Variants in CEP131 observed in about 807,000 individuals in gnomAD.
CEP131 encodes centrosomal protein of 131 kDa.
In CEP131, 99 loss-of-function variants were observed where a neutral mutation model predicts 136.8. The ratio of observed to expected loss-of-function variants is 0.72; its 90% CI spans 0.62 to 0.86. CEP131 has a LOEUF of 0.86. CEP131 is among the 40% of genes least tolerant of loss of function. The pLI is 0.00. For synonymous variants in CEP131, 646 were observed against 612.7 expected (o/e 1.05, Z -0.80); for missense variants, 1,459 against 1,463.0 (o/e 1.00, Z 0.04).
Position 81,220,018 on chromosome 17 carries a change from G to A in CEP131, c.39C>T (p.Arg13=), listed in dbSNP as rs750858545. The change falls in exon 2 of 26, where the codon CGC becomes CGT. Residue 13 remains arginine (R), a synonymous_variant. Coordinates refer to ENST00000450824, the MANE Select transcript of CEP131 (RefSeq NM_014984.4). ...GACTCAGGTCCACACCTGCTGGGCT[G>A]CGCTCCGGGACGCTGCCGATGGCCC... ...GTRAIGSVPE[R]SPAGVDLSLT... 3.7e-6 allele frequency: 6 copies of A among 1,606,964 alleles called. No homozygotes were observed. In the South Asian group the frequency reaches 5.5e-5, roughly 15 times the overall value.
chr17:81,207,277 AC>A, intron 3 of CEP131, 38 bp from the exon 4 acceptor site: 1 of 1,596,172 alleles, frequency 6.3e-7, no homozygotes, highest in Non-Finnish European at 8.6e-7. Context: ...GGAAAGAGTC[AC>A]CAGCCGGGAA....
intron 2 of CEP131, among the ~76,000 whole-genome samples, chr17:81,212,054 C>T (rs1180390541): frequency 6.6e-6 from 1 of 151,906 alleles, no homozygotes; most frequent in African/African-American, 2.4e-5. Flanking sequence ...GTGGCTCATG[C>T]CTGTAATCCC....
intron 5 of CEP131, among the ~76,000 whole-genome samples, chr17:81,206,446 A>G (rs1320002811): frequency 6.6e-6 from 1 of 152,082 alleles, no homozygotes; most frequent in Non-Finnish European, 1.5e-5. Context: ...AGGACCCCCT[A>G]CAAGCCTCCT....
At chr17:81,201,301 G>T (rs1365024006) in intron 7 of CEP131, among the ~76,000 whole-genome samples, 1 of 152,206 alleles carries the variant, frequency 6.6e-6, no homozygotes, top group African/African-American at 2.4e-5. Flanking sequence ...TGGGCGGTAG[G>T]GTAGGTGACG....
chr17:81,194,864 G>A lies in CEP131; in HGVS notation c.2119+6C>T, dbSNP rs768787890. ...CCTGGCCGGCTCATGGGAGGGGAGG[G>A]CCCACCTCGGACAGTGACCTCCTTG... On this transcript the variant is annotated splice_donor_region_variant and intron_variant, in intron 17 of 25. Transcript: ENST00000450824. The A allele has an allele frequency of 3.7e-6, 6 of 1,611,782 alleles. No individual in the cohort carries two copies. The Admixed American group carries it at 5.0e-5, about 13-fold the overall frequency.
intron 2 of CEP131, among the ~76,000 whole-genome samples, chr17:81,211,945 A>G: frequency 6.6e-6 from 1 of 151,612 alleles, no homozygotes; most frequent in East Asian, 1.9e-4. Flanking sequence ...AAAAAAAAAA[A>G]AAAAGAAAAA....
chr17:81,200,158 A>G, intron 8 of CEP131, 171 bp downstream of exon 8: 1 of 632,860 alleles, frequency 1.6e-6, no homozygotes, highest in Admixed American at 3.0e-5. Context: ...GCCAGTGAGG[A>G]CCACCCTGAC....
intron 18 of CEP131, 66 bp downstream of exon 18, chr17:81,193,860 G>C: frequency 6.7e-7 from 1 of 1,493,080 alleles, no homozygotes; most frequent in Non-Finnish European, 8.9e-7. Context: ...CTCCACTCCA[G>C]CCTTCGAGGA....
At position 81,192,773 on chromosome 17, in the gene CEP131, C is replaced by A; in HGVS notation, c.2392G>T (p.Ala798Ser). 1 of 1,595,406 alleles carries A rather than the reference C, an allele frequency of 6.3e-7. No homozygotes were observed. ...QQRQRLYSEVAEERERLGQQA... is the reference protein window; with the variant it reads ...QQRQRLYSEVSEERERLGQQA... ...TGGCCCAGCCGCTCCCTCTCCTCAG[C>A]CACCTCACTGTACAGCCGCTGCCGT... Residue 798 changes from alanine to serine, a missense_variant, in exon 19 of 26, where the codon GCT becomes TCT. By Grantham distance (99) the Ala-to-Ser change is moderately conservative. This residue lies in a region of CEP131 where 1,026 missense variants were observed against 964.2 expected (regional missense o/e 1.06). Transcript: ENST00000450824.
At chr17:81,214,860 C>T (rs1001758640) in intron 2 of CEP131, among the ~76,000 whole-genome samples, 6 of 151,756 alleles carry the variant, frequency 4.0e-5, no homozygotes, top group Admixed American at 6.6e-5. Flanking sequence ...GCAAGTTCCG[C>T]CTCCTGGGTT....
intron 19 of CEP131, 51 bp downstream of exon 19, chr17:81,192,685 G>GGGGGGGGCCCCCCC: frequency 6.3e-6 from 3 of 478,420 alleles, no homozygotes; most frequent in Non-Finnish European, 1.2e-5. Flanking sequence ...GGGGGGAGGG[G>GGGGGGGGCCCCCCC]TCAGCCAGCG....
chr17:81,193,959 A>G lies in CEP131; in HGVS notation c.2288T>C (p.Leu763Pro). The change falls in exon 18 of 26, where the codon CTG (leucine) becomes CCG (proline). Residue 763 changes from leucine to proline, a missense_variant. Physicochemically the swap from Leu to Pro is moderately conservative, Grantham distance 98 (BLOSUM62 -3). Around this residue, in one of 3 missense-constraint regions of CEP131, gnomAD observed 1,026 missense variants for 964.2 expected, o/e 1.06. Coordinates refer to ENST00000450824, the MANE Select transcript of CEP131 (RefSeq NM_014984.4). ...AGCACGTTCGCGCTCCTGCTGGCCC[A>G]GCGCCTCCTTCTCCCGCTCCAGCTG... Reference protein sequence around the residue: ...REQLEREKEALGQQERERARQ... With the variant: ...REQLEREKEAPGQQERERARQ... 6.5e-7 allele frequency: 1 copy of G among 1,541,576 alleles called. No individual in the cohort carries two copies. The highest frequency in any genetic ancestry group is 8.7e-7 in the Non-Finnish European group (1 of 1,143,170).
rs770851022 is a variant in CEP131, at chr17:81,197,771, T to G, written c.1588A>C (p.Met530Leu). 3 of 1,613,208 alleles carry G rather than the reference T, an allele frequency of 1.9e-6. No individual in the cohort carries two copies. The highest frequency in any genetic ancestry group is 3.3e-5 in the Admixed American group (2 of 60,006). ...TTCTCCATCTCGTCCAAGAAGCTCA[T>G]GATGCTTTGTAGCTTGGCCTCCGAT... ...LLSEAKLQSI[M>L]SFLDEMEKSG... Residue 530 changes from methionine to leucine, a missense_variant, in exon 13 of 26, where the codon ATG becomes CTG. By Grantham distance (15) the Met-to-Leu change is conservative (BLOSUM62 2). Around this residue, in one of 3 missense-constraint regions of CEP131, gnomAD observed 1,026 missense variants for 964.2 expected, o/e 1.06. Transcript: ENST00000450824.
intron 13 of CEP131, 200 bp downstream of exon 13, chr17:81,197,512 G>GT: frequency 3.8e-6 from 3 of 792,348 alleles, no homozygotes; most frequent in Non-Finnish European, 3.8e-6. Flanking sequence ...TGAGAGACCC[G>GT]TGGGGGGTGC....
chr17:81,192,673 C>CG (rs929723589), intron 19 of CEP131, 63 bp downstream of exon 19: 57 of 204,508 alleles, frequency 2.8e-4, no homozygotes, highest in Non-Finnish European at 3.9e-4. Flanking sequence ...GGTGAGGGGG[C>CG]GGGGGGGAGG....
chr17:81,200,292 CG>C, intron 8 of CEP131, 36 bp downstream of exon 8: 1 of 1,527,192 alleles, frequency 6.5e-7, no homozygotes, highest in Admixed American at 1.8e-5. Context: ...CCAGACCCCC[CG>C]GGGGAGCATG....
In CEP131 at chr17:81,198,266, T is replaced by C. The variant is rs748681017; in HGVS notation, c.1319A>G (p.Asn440Ser). 5 of 1,604,208 alleles carry C rather than the reference T, an allele frequency of 3.1e-6. No individual in the cohort carries two copies. The East Asian group carries it at 9.0e-5, about 29-fold the overall frequency. The change falls in exon 12 of 26, where the codon AAC becomes AGC. Residue 440 changes from asparagine to serine, a missense_variant. Physicochemically the swap from Asn to Ser is conservative, Grantham distance 46. Around this residue, in one of 3 missense-constraint regions of CEP131, gnomAD observed 1,026 missense variants for 964.2 expected, o/e 1.06. Transcript: ENST00000450824. ...DVLAQDAAGD[N>S]LEMMAPSRGS... Reference sequence around the variant, plus strand: ...CCTGCTCGGGGCCATCATCTCCAGGTTGTCCCCAGCTGCATCCTGGGCAAG... The same window carrying C: ...CCTGCTCGGGGCCATCATCTCCAGGCTGTCCCCAGCTGCATCCTGGGCAAG...
chr17:81,194,831 A>AGG, intron 17 of CEP131, 39 bp downstream of exon 17: 6 of 1,541,754 alleles, frequency 3.9e-6, no homozygotes, highest in Non-Finnish European at 4.5e-6. Context: ...CGCAGCACCC[A>AGG]CCCCACACCT....
chr17:81,196,644 G>A, intron 15 of CEP131, 57 bp downstream of exon 15: 3 of 1,557,744 alleles, frequency 1.9e-6, no homozygotes, highest in Non-Finnish European at 2.6e-6. Flanking sequence ...CCTGGCTCTG[G>A]AAGTCTCCAT....
Sources: gnomAD v4.1 joint callset for allele counts (sites outside exome capture counted in the v4.1 genomes callset) on GRCh38, gnomAD v4.1.1 for gene constraint, gnomAD v4.1.1 regional missense constraint, MANE v1.5 for transcripts, NCBI Gene and HGNC (gene_info 2026-07-23, HGNC 2026-07-21) for gene names.